CDH12: variants seen among roughly 807,000 people sequenced by gnomAD.
CDH12 encodes the protein cadherin 12.
Under a neutral mutation model 74.1 loss-of-function variants are expected in CDH12, and 41 were observed. That is an observed-to-expected ratio of 0.55 (90% CI 0.43 to 0.72). CDH12 has a LOEUF of 0.72. Ranked by LOEUF, CDH12 falls within the 30% of genes least tolerant of loss-of-function variation. The pLI, the probability that CDH12 is intolerant of heterozygous loss-of-function variation, is 0.00. For synonymous variants in CDH12, 399 were observed against 355.0 expected, an observed-to-expected ratio of 1.12 and a Z score of -1.39; for missense variants, 945 against 977.2, an observed-to-expected ratio of 0.97 and a Z score of 0.44.
At chr5:22,728,184 A>G (rs1744260873) in intron 1 of CDH12, among the ~76,000 whole-genome samples, 3 of 151,700 alleles carry the variant, frequency 2.0e-5, no homozygotes, top group Non-Finnish European at 2.9e-5. Flanking sequence ...TTTAAAAGCT[A>G]TTGATTGAAT....
At chr5:22,488,997 A>G (rs1178242146) in intron 2 of CDH12, among the ~76,000 whole-genome samples, 1 of 148,328 alleles carries the variant, frequency 6.7e-6, no homozygotes, top group Non-Finnish European at 1.5e-5. Flanking sequence ...CCCTTATGAC[A>G]GCCATTTTTT....
chr5:22,148,133 G>T (rs1264866991), intron 4 of CDH12, among the ~76,000 whole-genome samples: 2 of 152,070 alleles, frequency 1.3e-5, no homozygotes, highest in African/African-American at 4.8e-5. Flanking sequence ...AATCTATTAA[G>T]TACTTAAAGA....
chr5:22,126,627 G>C (rs1745886195), intron 4 of CDH12, among the ~76,000 whole-genome samples: 1 of 152,124 alleles, frequency 6.6e-6, no homozygotes, highest in Non-Finnish European at 1.5e-5. Flanking sequence ...TATTCTATTT[G>C]AGTATTTGCT....
chr5:22,489,056 C>CTTTTTTGTTTTTTTTTTTTT (rs1746732596), intron 2 of CDH12, among the ~76,000 whole-genome samples: 1 of 37,314 alleles, frequency 2.7e-5, no homozygotes, highest in Non-Finnish European at 4.8e-5. Flanking sequence ...TTGGTACCAC[C>CTTTTTTGTTTTTTTTTTTTT]TTTTTTTTTT....
At chr5:22,590,631 C>A (rs1580796069) in intron 1 of CDH12, among the ~76,000 whole-genome samples, 1 of 152,040 alleles carries the variant, frequency 6.6e-6, no homozygotes. Context: ...TTCAAAAGAT[C>A]TAATATACTT....
chr5:22,683,991 G>A (rs570396242), intron 1 of CDH12, among the ~76,000 whole-genome samples: 21 of 152,242 alleles, frequency 1.4e-4, no homozygotes, highest in African/African-American at 4.8e-4. Flanking sequence ...CAATAAAAAG[G>A]CAGTGATATA....
chr5:22,199,025 T>C (rs1372718535), intron 4 of CDH12, among the ~76,000 whole-genome samples: 2 of 151,984 alleles, frequency 1.3e-5, no homozygotes, highest in Admixed American at 6.5e-5. Flanking sequence ...AAAGGGGAAA[T>C]TGGAGAGGCA....
At chr5:22,708,778 A>G (rs976866070) in intron 1 of CDH12, among the ~76,000 whole-genome samples, 2 of 152,176 alleles carry the variant, frequency 1.3e-5, no homozygotes, top group African/African-American at 4.8e-5. Flanking sequence ...AGAAAAATGA[A>G]TATAAGATAA....
At chr5:22,354,329 A>G (rs1580556101) in intron 3 of CDH12, among the ~76,000 whole-genome samples, 1 of 152,164 alleles carries the variant, frequency 6.6e-6, no homozygotes, top group Non-Finnish European at 1.5e-5. Context: ...CCCTGACAAA[A>G]CCACCCCCAA....
At chr5:21,931,043 G>A (rs1459168803) in intron 6 of CDH12, among the ~76,000 whole-genome samples, 1 of 152,142 alleles carries the variant, frequency 6.6e-6, no homozygotes, top group Non-Finnish European at 1.5e-5. Context: ...AGTGCTCTCA[G>A]TGTTAATGTT....
chr5:21,848,753 G>A (rs532659017), intron 7 of CDH12, among the ~76,000 whole-genome samples: 1 of 151,776 alleles, frequency 6.6e-6, no homozygotes, highest in Middle Eastern at 3.4e-3. Context: ...TAGGACTTAT[G>A]AGCCACTTCC....
chr5:22,119,289 T>G lies in CDH12; in HGVS notation c.-186-40427A>C, dbSNP rs1395797408. Among the ~76,000 whole-genome samples, 801 of 131,592 alleles carry G rather than the reference T, an allele frequency of 6.1e-3. 5 individuals carry two copies. The highest frequency in any genetic ancestry group is 0.018 in the South Asian group (65 of 3,664). The allele number at this position is 131,592 out of a possible 152,430, so 86.3% of individuals were successfully genotyped here. ...CACTACTCAATCTTCTACTTCGTTTTTTTTTTTTTTTTTTTTTCTGAGATG... is the reference window on the plus strand; with the variant it reads ...CACTACTCAATCTTCTACTTCGTTTGTTTTTTTTTTTTTTTTTCTGAGATG... On this transcript the variant is annotated intron_variant, in intron 4 of 14. Transcript: ENST00000382254.
rs147479603 is a variant in CDH12 at position 22,098,069 on chromosome 5, T to C, written c.-186-19207A>G. Among the ~76,000 whole-genome samples the C allele has an allele frequency of 7.0e-3, 1,072 of 152,214 alleles. 14 individuals carry two copies. The highest frequency in any genetic ancestry group is 0.025 in the African/African-American group (1,018 of 41,538). Reference sequence around the variant, plus strand: ...CTCAATACCTCCCTCCACAATCCATTATTCTGTTCTAGATCTCAAACATGC... The same window carrying C: ...CTCAATACCTCCCTCCACAATCCATCATTCTGTTCTAGATCTCAAACATGC... On this transcript the variant is annotated intron_variant, in intron 4 of 14. Transcript: ENST00000382254.
intron 4 of CDH12, among the ~76,000 whole-genome samples, chr5:22,132,810 T>C (rs1746248424): frequency 2.0e-5 from 3 of 152,100 alleles, no homozygotes; most frequent in African/African-American, 7.2e-5. Flanking sequence ...TCATCCACCT[T>C]GTCTATGCAA....
intron 6 of CDH12, among the ~76,000 whole-genome samples, chr5:21,925,670 G>C (rs1003951327): frequency 2.0e-5 from 3 of 152,022 alleles, no homozygotes; most frequent in African/African-American, 4.8e-5. Flanking sequence ...TATATTTACA[G>C]TCTTTAGGCT....
rs571428595 is a variant in CDH12 at position 22,513,526 on chromosome 5, G to A, written c.-522-8162C>T. On this transcript the variant is annotated intron_variant, in intron 1 of 14. Transcript: ENST00000382254. ...TCTACAGCATCTGAGTATCTTCTAC[G>A]TATCAAAGAAGGTTATACAGACCTT... is the stretch of plus-strand genomic sequence containing the variant. 4.6e-5 allele frequency among the ~76,000 whole-genome samples: 7 copies of A among 152,250 alleles called. No homozygotes were observed. In the South Asian group the frequency reaches 1.2e-3, roughly 27 times the overall value.
intron 4 of CDH12, among the ~76,000 whole-genome samples, chr5:22,096,842 C>T (rs187178462): frequency 2.7e-4 from 41 of 152,278 alleles, no homozygotes; most frequent in Non-Finnish European, 5.1e-4. Flanking sequence ...TCTCAATATA[C>T]ATTTTATTTT....
intron 3 of CDH12, among the ~76,000 whole-genome samples, chr5:22,367,182 G>C (rs924939503): frequency 6.6e-6 from 1 of 151,884 alleles, no homozygotes; most frequent in South Asian, 2.1e-4. Flanking sequence ...CCTCTGAAAG[G>C]CATCTCCTTC....
chr5:22,525,257 C>T (rs940441016), intron 1 of CDH12, among the ~76,000 whole-genome samples: 5 of 152,060 alleles, frequency 3.3e-5, no homozygotes, highest in Non-Finnish European at 7.3e-5. Context: ...GTGAATAGTG[C>T]CACAATAAAC....
Sources: allele counts gnomAD v4.1 joint callset (sites outside exome capture counted in the v4.1 genomes callset), GRCh38; gene constraint gnomAD v4.1.1; transcripts MANE v1.5; gene names NCBI Gene and HGNC (gene_info 2026-07-23, HGNC 2026-07-21).